VIT: variants seen among roughly 807,000 people sequenced by gnomAD.
VIT encodes the protein vitrin.
A neutral mutation model predicts 78.0 loss-of-function variants in VIT; 99 were observed. That is an observed-to-expected ratio of 1.27 (90% CI 1.08 to 1.50). VIT has a LOEUF of 1.50. VIT is among the 40% of genes most tolerant of loss of function. The pLI is 0.00. For missense variants in VIT, 1,126 were observed against 875.3 expected (o/e 1.29, Z -3.61); for synonymous variants, 374 against 334.3 (o/e 1.12, Z -1.29).
Position 36,787,318 on chromosome 2 carries a change from C to T in VIT, c.1058+42C>T, listed in dbSNP as rs754963874. 7 of 1,584,838 alleles carry T rather than the reference C, an allele frequency of 4.4e-6. No individual in the cohort carries two copies. The South Asian group carries it at 8.0e-5, about 18-fold the overall frequency. ...TTCTGAATCCAGAAAGGAAGTCATGCCATGTGCTTAATTTTATGCCACGTG... is the reference window on the plus strand; with the variant it reads ...TTCTGAATCCAGAAAGGAAGTCATGTCATGTGCTTAATTTTATGCCACGTG... On this transcript the variant is annotated intron_variant, in intron 12 of 15. Coordinates refer to ENST00000379242, the MANE Select transcript of VIT (RefSeq NM_053276.4).
intron 5 of VIT, among the ~76,000 whole-genome samples, chr2:36,756,694 G>A (rs1421829719): frequency 4.6e-5 from 7 of 152,202 alleles, no homozygotes; most frequent in Non-Finnish European, 8.8e-5. Flanking sequence ...CCGCAGTACT[G>A]TGGGGTTTTT....
intron 12 of VIT, among the ~76,000 whole-genome samples, chr2:36,787,635 C>G (rs75124272): frequency 0.011 from 1,619 of 152,358 alleles, 13 homozygotes; most frequent in Middle Eastern, 0.02. Context: ...GTTTCCTCAT[C>G]TGTAGATCAT....
chr2:36,768,467 T>A (rs746500412), intron 7 of VIT, among the ~76,000 whole-genome samples: 3 of 152,242 alleles, frequency 2.0e-5, no homozygotes, highest in Non-Finnish European at 2.9e-5. Flanking sequence ...ATCAGCACTT[T>A]GAATATGCTA....
chr2:36,706,840 T>G (rs184997832), intron 1 of VIT, among the ~76,000 whole-genome samples: 1 of 152,290 alleles, frequency 6.6e-6, no homozygotes, highest in East Asian at 1.9e-4. Flanking sequence ...TATTATAGCA[T>G]TATAGAACAA....
intron 3 of VIT, among the ~76,000 whole-genome samples, chr2:36,736,560 A>C (rs968216347): frequency 6.6e-6 from 1 of 152,238 alleles, no homozygotes; most frequent in Non-Finnish European, 1.5e-5. Context: ...CTTAGTCCAA[A>C]GTGGTGTCAG....
chr2:36,813,410 T>A (rs1427734975), intron 15 of VIT, among the ~76,000 whole-genome samples: 2 of 152,096 alleles, frequency 1.3e-5, no homozygotes, highest in Admixed American at 6.5e-5. Context: ...GGTCACACCA[T>A]TGCACTCTAG....
In VIT at chr2:36,783,654, G is replaced by T. The variant is rs1441266763; in HGVS notation, c.910+252G>T. ...ACAGGGTGAAGAATGGGATGGAACG[G>T]AAAGACAAGGAAGGATGAAAGGAGG... On this transcript the variant is annotated intron_variant, in intron 11 of 15. Coordinates refer to ENST00000379242, the MANE Select transcript of VIT (RefSeq NM_053276.4). Among the ~76,000 whole-genome samples, 2 of 152,208 alleles carry T rather than the reference G, an allele frequency of 1.3e-5. No homozygotes were observed. The highest frequency in any genetic ancestry group is 2.9e-5 in the Non-Finnish European group (2 of 68,044).
At position 36,794,342 on chromosome 2, in the gene VIT, TA is replaced by T. The variant is rs1414643539; in HGVS notation, c.1059-6958del. 2.0e-5 allele frequency among the ~76,000 whole-genome samples: 3 copies of T among 152,006 alleles called. No individual in the cohort carries two copies. The East Asian group carries it at 5.8e-4, about 29-fold the overall frequency. ...TTGATATTCCCTAGAAAAAAAAATT[TA>T]GTGTTTGCATTTAATAAGAACCTGT... On this transcript the variant is annotated intron_variant, in intron 12 of 15. Transcript: ENST00000379242.
At chr2:36,727,678 C>T (rs911945164) in intron 2 of VIT, among the ~76,000 whole-genome samples, 1 of 152,160 alleles carries the variant, frequency 6.6e-6, no homozygotes, top group African/African-American at 2.4e-5. Flanking sequence ...TACAGTCATC[C>T]ACTTCATAAC....
Position 36,742,498 on chromosome 2 carries a change from T to C in VIT, c.119-602T>C, listed in dbSNP as rs116012198. ...CCTCTAGGACCAAGACAAAATATCA[T>C]GTTTTTGACCTGTCTTCCCTGTCCA... is the stretch of plus-strand genomic sequence containing the variant. On this transcript the variant is annotated intron_variant, in intron 3 of 15. Transcript: ENST00000379242. 2.0e-3 allele frequency among the ~76,000 whole-genome samples: 312 copies of C among 152,246 alleles called. 1 individual carries two copies. The highest frequency in any genetic ancestry group is 3.8e-3 in the Non-Finnish European group (256 of 68,002).
intron 9 of VIT, among the ~76,000 whole-genome samples, chr2:36,778,618 T>C (rs1572524474): frequency 1.3e-5 from 2 of 152,348 alleles, no homozygotes; most frequent in East Asian, 3.9e-4. Context: ...CGACGCTTTG[T>C]TGGCATGATG....
intron 6 of VIT, among the ~76,000 whole-genome samples, chr2:36,763,394 C>A (rs901603760): frequency 6.6e-6 from 1 of 151,974 alleles, no homozygotes; most frequent in African/African-American, 2.4e-5. Flanking sequence ...CCATAAAAAT[C>A]TTTGAAAAAA....
intron 13 of VIT, among the ~76,000 whole-genome samples, chr2:36,804,828 CA>C (rs992972307): frequency 4.1e-5 from 6 of 147,738 alleles, no homozygotes; most frequent in Non-Finnish European, 5.9e-5. Context: ...GAATCTGTCT[CA>C]GGGAAAAAAA....
chr2:36,791,531 A>G (rs1331168161), intron 12 of VIT, among the ~76,000 whole-genome samples: 1 of 152,224 alleles, frequency 6.6e-6, no homozygotes, highest in Non-Finnish European at 1.5e-5. Context: ...CTCCCGGATT[A>G]TAGGGATGTT....
At chr2:36,767,429 C>A in intron 7 of VIT, 144 bp downstream of exon 7, 1 of 783,824 alleles carries the variant, frequency 1.3e-6, no homozygotes, top group South Asian at 3.8e-5. Context: ...TTTGTGTCCT[C>A]CTCCTAGATT....
At chr2:36,723,832 G>A (rs938546736) in intron 2 of VIT, among the ~76,000 whole-genome samples, 3 of 151,880 alleles carry the variant, frequency 2.0e-5, no homozygotes, top group Admixed American at 1.3e-4. Flanking sequence ...ACGTCTGTAA[G>A]CCCAACTGTT....
chr2:36,790,544 T>G (rs1665417876), intron 12 of VIT, among the ~76,000 whole-genome samples: 1 of 152,152 alleles, frequency 6.6e-6, no homozygotes, highest in African/African-American at 2.4e-5. Context: ...ACCACAGCAT[T>G]CCTACCACAC....
At position 36,776,100 on chromosome 2, in the gene VIT, T is replaced by C. The variant is rs1405484514; in HGVS notation, c.802+1033T>C. 2.0e-5 allele frequency among the ~76,000 whole-genome samples: 3 copies of C among 152,350 alleles called. No individual in the cohort carries two copies. The South Asian group carries it at 6.2e-4, about 32-fold the overall frequency. ...GTGTGCCAGACAGAGGCCTTTACCCTATATCGAATAACTTCAAGTGGTAGG... is the reference window on the plus strand; with the variant it reads ...GTGTGCCAGACAGAGGCCTTTACCCCATATCGAATAACTTCAAGTGGTAGG... On this transcript the variant is annotated intron_variant, in intron 9 of 15. Coordinates refer to ENST00000379242, the MANE Select transcript of VIT (RefSeq NM_053276.4).
At chr2:36,779,270 A>G (rs888056) in intron 9 of VIT, among the ~76,000 whole-genome samples, 145,987 of 152,240 alleles carry the variant, frequency 0.96, 70,306 homozygotes, top group Middle Eastern at 1. Flanking sequence ...CTGTTCTGCC[A>G]CTCCCTGTGC....
Sources: gnomAD v4.1 joint callset for allele counts (sites outside exome capture counted in the v4.1 genomes callset) on GRCh38, gnomAD v4.1.1 for gene constraint, MANE v1.5 for transcripts, NCBI Gene and HGNC (gene_info 2026-07-23, HGNC 2026-07-21) for gene names.